Variants in RAPGEF4 observed in about 807,000 individuals in gnomAD.
RAPGEF4 encodes the protein RAP guanine-nucleotide-exchange factor (GEF) 4.
RAPGEF4 carries 66 observed loss-of-function variants against 147.9 expected under a neutral mutation model. That is an observed-to-expected ratio of 0.45 (90% CI 0.37 to 0.55). The LOEUF (loss-of-function observed/expected upper bound fraction) is 0.55, where lower values mean the gene tolerates loss of function less well. Among genes scored for constraint, RAPGEF4 ranks in the 20% least tolerant of loss-of-function variants. RAPGEF4 has a pLI of 0.00. For missense variants in RAPGEF4, 1,071 were observed against 1,257.3 expected, an observed-to-expected ratio of 0.85 and a Z score of 2.24; for synonymous variants, 419 against 442.7, an observed-to-expected ratio of 0.95 and a Z score of 0.67.
intron 16 of RAPGEF4, among the ~76,000 whole-genome samples, chr2:173,000,189 G>C (rs1258999893): frequency 6.6e-6 from 1 of 152,072 alleles, no homozygotes; most frequent in African/African-American, 2.4e-5. Flanking sequence ...TGAAGACCTG[G>C]TGACATTGAG....
Position 173,036,224 on chromosome 2 carries a change from A to G in RAPGEF4, c.2788+12A>G, listed in dbSNP as rs1008308208. On this transcript the variant is annotated intron_variant, in intron 28 of 30. Transcript: ENST00000397081. Reference sequence around the variant, plus strand: ...TTTGCTCATTAAAGGTAATCCTAATAAGATGCACAGGCCAAGCAGGTGATG... The same window carrying G: ...TTTGCTCATTAAAGGTAATCCTAATGAGATGCACAGGCCAAGCAGGTGATG... The G allele has an allele frequency of 6.4e-7, 1 of 1,572,974 alleles. No homozygotes were observed. The highest frequency in any genetic ancestry group is 8.7e-7 in the Non-Finnish European group (1 of 1,143,356).
At chr2:173,031,069 C>A (rs567929154) in intron 26 of RAPGEF4, among the ~76,000 whole-genome samples, 20 of 152,226 alleles carry the variant, frequency 1.3e-4, no homozygotes, top group Admixed American at 4.6e-4. Context: ...ATTAGAGACC[C>A]AACTTGCAAT....
intron 23 of RAPGEF4, among the ~76,000 whole-genome samples, chr2:173,023,602 A>G (rs760610950): frequency 3.0e-4 from 46 of 152,318 alleles, no homozygotes; most frequent in Middle Eastern, 3.4e-3. Context: ...AGCCCTGCCC[A>G]CTGAAAGAAA....
chr2:173,004,575 C>T (rs1200126477), intron 17 of RAPGEF4, among the ~76,000 whole-genome samples: 1 of 151,712 alleles, frequency 6.6e-6, no homozygotes, highest in South Asian at 2.1e-4. Flanking sequence ...ATTTTGTATA[C>T]CTTTTAATTA....
intron 1 of RAPGEF4, among the ~76,000 whole-genome samples, chr2:172,788,354 G>A (rs920140832): frequency 1.3e-5 from 2 of 152,156 alleles, no homozygotes; most frequent in South Asian, 4.1e-4. Flanking sequence ...TTGGATTTCA[G>A]AGAAGAGAAA....
chr2:173,005,529 T>TTTTTG (rs1694373140), intron 17 of RAPGEF4, among the ~76,000 whole-genome samples: 2 of 128,680 alleles, frequency 1.6e-5, no homozygotes, highest in African/African-American at 6.8e-5. Flanking sequence ...TGTTTTTTTT[T>TTTTTG]TTTTTTTTTT....
intron 4 of RAPGEF4, among the ~76,000 whole-genome samples, chr2:172,895,167 T>G (rs1201708289): frequency 6.6e-6 from 1 of 152,214 alleles, no homozygotes; most frequent in East Asian, 1.9e-4. Context: ...GTTTTTAATC[T>G]TTTAGAGACA....
chr2:172,990,974 C>A, intron 15 of RAPGEF4, 49 bp downstream of exon 15: 1 of 1,335,674 alleles, frequency 7.5e-7, no homozygotes, highest in Non-Finnish European at 1.1e-6. Flanking sequence ...TTAACCTTTT[C>A]ACATGGTATC....
intron 15 of RAPGEF4, among the ~76,000 whole-genome samples, chr2:172,991,566 C>A (rs1316095343): frequency 1.3e-5 from 2 of 152,072 alleles, no homozygotes; most frequent in African/African-American, 2.4e-5. Flanking sequence ...TCAAATGTAC[C>A]AACATTTGAG....
intron 4 of RAPGEF4, among the ~76,000 whole-genome samples, chr2:172,851,258 T>A (rs1291689646): frequency 6.6e-6 from 1 of 152,250 alleles, no homozygotes; most frequent in Non-Finnish European, 1.5e-5. Context: ...TTGAGTGATC[T>A]TCTTGGTATT....
rs920076068 is a variant in RAPGEF4 at position 173,017,485 on chromosome 2, T to C, written c.1989T>C (p.Pro663=). 56 of 1,614,034 alleles carry C rather than the reference T, an allele frequency of 3.5e-5. No homozygotes were observed. The highest frequency in any genetic ancestry group is 4.7e-5 in the Non-Finnish European group (55 of 1,179,876). ...TGDERAQKRQ[P]IRGSDEVLFK... is the part of the protein sequence containing the mutation. The stretch of plus-strand genomic sequence containing the variant: ...ATGAGAGAGCCCAGAAGCGCCAGCC[T>C]ATCCGCGGCTCTGATGAAGGTGAGA... The change falls in exon 21 of 31, where the codon CCT becomes CCC. Residue 663 remains proline (P), a synonymous_variant. Transcript: ENST00000397081.
At chr2:173,034,640 AG>A (rs978747034) in intron 27 of RAPGEF4, among the ~76,000 whole-genome samples, 2 of 151,976 alleles carry the variant, frequency 1.3e-5, no homozygotes, top group African/African-American at 4.8e-5. Context: ...TTGGGAGGCC[AG>A]GAAAGGTGGA....
intron 21 of RAPGEF4, 26 bp downstream of exon 21, chr2:173,017,530 G>A (rs748951437): frequency 5.0e-5 from 79 of 1,578,072 alleles, no homozygotes; most frequent in East Asian, 6.7e-5. Flanking sequence ...CAACTAACTC[G>A]TAGTTGTATA....
chr2:173,048,008 AG>A (rs1435642371), intron 29 of RAPGEF4: 3 of 152,732 alleles, frequency 2.0e-5, no homozygotes, highest in African/African-American at 7.2e-5. Flanking sequence ...TGTATATGTT[AG>A]TGTTATAATC....
chr2:173,034,025 C>G, intron 27 of RAPGEF4, 61 bp downstream of exon 27: 1 of 1,502,510 alleles, frequency 6.7e-7, no homozygotes, highest in Admixed American at 2.1e-5. Flanking sequence ...TTCTGATTAG[C>G]TGAATTGAAG....
chr2:172,902,924 T>C (rs1425727164), intron 4 of RAPGEF4, among the ~76,000 whole-genome samples: 5 of 152,158 alleles, frequency 3.3e-5, no homozygotes, highest in Admixed American at 1.3e-4. Context: ...AGTAAGTATA[T>C]ATTGGCTTAG....
intron 1 of RAPGEF4, chr2:172,744,419 T>C: frequency 2.2e-6 from 1 of 456,516 alleles, no homozygotes; most frequent in South Asian, 1.6e-5. Flanking sequence ...AATGGCTATG[T>C]TGAGGTGTGT....
At chr2:172,918,457 G>A (rs574285294) in intron 5 of RAPGEF4, among the ~76,000 whole-genome samples, 43 of 150,970 alleles carry the variant, frequency 2.8e-4, no homozygotes, top group African/African-American at 1.0e-3. Context: ...CTTAACTGGA[G>A]TAGTCATTTC....
At chr2:173,030,947 A>G (rs936675511) in intron 26 of RAPGEF4, among the ~76,000 whole-genome samples, 5 of 152,248 alleles carry the variant, frequency 3.3e-5, no homozygotes, top group African/African-American at 1.2e-4. Context: ...TACACGTGGC[A>G]TATAGTTGAA....
Sources: gnomAD v4.1 joint callset for allele counts (sites outside exome capture counted in the v4.1 genomes callset) on GRCh38, gnomAD v4.1.1 for gene constraint, MANE v1.5 for transcripts, NCBI Gene and HGNC (gene_info 2026-07-23, HGNC 2026-07-21) for gene names.